Variants in KCNIP1 observed in about 807,000 individuals in gnomAD.
The protein encoded by KCNIP1 is potassium voltage-gated channel interacting protein 1, also known as A-type potassium channel modulatory protein KCNIP1.
KCNIP1 carries 18 observed loss-of-function variants against 33.0 expected under a neutral mutation model. That is an observed-to-expected ratio of 0.55 (90% confidence interval 0.38 to 0.81). The LOEUF is 0.81. Among genes scored for constraint, KCNIP1 ranks in the 30% least tolerant of loss-of-function variants. KCNIP1 has a pLI of 0.00. For missense variants in KCNIP1, 238 were observed against 271.6 expected (o/e 0.88, Z 0.87); for synonymous variants, 93 against 98.3 (o/e 0.95, Z 0.32).
chr5:170,681,393 G>A lies in KCNIP1; in HGVS notation c.62-37365G>A, dbSNP rs561006648. The A allele has an allele frequency of 4.8e-4, 168 of 351,912 alleles. 1 individual carries two copies. Among genetic ancestry groups the A allele is most frequent in the African/African-American group, 3.1e-3 (146 of 47,648 alleles). 21.8% of individuals were successfully genotyped at this position (351,912 alleles called of 1,614,324 possible). On this transcript the variant is annotated intron_variant, in intron 1 of 7. Coordinates refer to ENST00000328939, the MANE Select transcript of KCNIP1 (RefSeq NM_014592.4). ...CTGAAATGTGGTGCGCCTGGGGAGT[G>A]CGGGAGCCAGGAAGTTAGGGTCTCC...
chr5:170,565,627 T>A (rs1341501238), intron 1 of KCNIP1, among the ~76,000 whole-genome samples: 3 of 152,226 alleles, frequency 2.0e-5, no homozygotes, highest in Non-Finnish European at 4.4e-5. Context: ...ACACATTATC[T>A]CATTCAAGTC....
At chr5:170,555,362 G>A (rs969111362) in intron 1 of KCNIP1, among the ~76,000 whole-genome samples, 5 of 152,216 alleles carry the variant, frequency 3.3e-5, no homozygotes, top group Non-Finnish European at 7.3e-5. Flanking sequence ...CCCTCCAGGA[G>A]CCAGCATGAA....
At chr5:170,376,322 G>T (rs538619820) in intron 1 of KCNIP1, 1 of 151,764 alleles carries the variant, frequency 6.6e-6, no homozygotes, top group African/African-American at 2.4e-5. Context: ...CACCACGCCC[G>T]GCTATGATTT....
chr5:170,374,463 CTCTG>C (rs1285313317), intron 1 of KCNIP1, among the ~76,000 whole-genome samples: 7 of 152,272 alleles, frequency 4.6e-5, no homozygotes, highest in African/African-American at 1.7e-4. Flanking sequence ...TGAGCTGAAG[CTCTG>C]TCTGAGACCT....
chr5:170,389,873 G>T lies in KCNIP1; in HGVS notation c.88+35909G>T, dbSNP rs538720828. On this transcript the variant is annotated intron_variant, in intron 1 of 7. Transcript: ENST00000377360. ...TTTTGGTTTTACTCCCAAACTTATC[G>T]TTAAATGACCTCAGTTTTCTCACTT... Among the ~76,000 whole-genome samples the T allele has an allele frequency of 8.5e-5, 13 of 152,250 alleles. No homozygotes were observed. In the East Asian group the frequency reaches 2.5e-3, roughly 29 times the overall value.
intron 1 of KCNIP1, among the ~76,000 whole-genome samples, chr5:170,580,786 C>T (rs1480306425): frequency 6.6e-6 from 1 of 152,148 alleles, no homozygotes; most frequent in Non-Finnish European, 1.5e-5. Flanking sequence ...AGCCAGAAGG[C>T]CCTCTATGGG....
At chr5:170,614,732 G>A (rs1417591139) in intron 1 of KCNIP1, among the ~76,000 whole-genome samples, 2 of 152,168 alleles carry the variant, frequency 1.3e-5, no homozygotes, top group Non-Finnish European at 2.9e-5. Flanking sequence ...GCATTGTTTT[G>A]TCTCTTCCCA....
intron 1 of KCNIP1, among the ~76,000 whole-genome samples, chr5:170,596,128 A>G (rs1315302011): frequency 1.3e-5 from 2 of 152,242 alleles, no homozygotes; most frequent in African/African-American, 4.8e-5. Context: ...GAAACAGCAC[A>G]CAAAGTGTTT....
At chr5:170,645,123 T>G (rs544852168) in intron 1 of KCNIP1, among the ~76,000 whole-genome samples, 4 of 152,272 alleles carry the variant, frequency 2.6e-5, no homozygotes, top group Admixed American at 1.3e-4. Flanking sequence ...AGGTCCCTGG[T>G]TGTCTGTAGA....
chr5:170,670,587 C>T (rs1469949297), intron 1 of KCNIP1, among the ~76,000 whole-genome samples: 1 of 152,138 alleles, frequency 6.6e-6, no homozygotes, highest in African/African-American at 2.4e-5. Context: ...AGCAGGAGCT[C>T]CTGCTTTGGA....
At chr5:170,676,898 T>A (rs1235295812) in intron 1 of KCNIP1, among the ~76,000 whole-genome samples, 2 of 152,142 alleles carry the variant, frequency 1.3e-5, no homozygotes, top group Non-Finnish European at 2.9e-5. Context: ...CAAAAACAAA[T>A]CATACTCAGC....
chr5:170,378,600 G>A lies in KCNIP1; in HGVS notation c.88+24636G>A, dbSNP rs1385245208. On this transcript the variant is annotated intron_variant, in intron 1 of 7. Transcript: ENST00000377360. ...ACAGCGTGGATTGGACTGGAAGAGT[G>A]GGAGGGCAGGTGGAGAAGGCATTGT... 5.9e-6 allele frequency: 7 copies of A among 1,192,842 alleles called. No individual in the cohort carries two copies. The East Asian group carries it at 1.2e-4, about 20-fold the overall frequency. The allele number at this position is 1,192,842 out of a possible 1,614,324, so 73.9% of individuals were successfully genotyped here.
At chr5:170,725,168 T>A (rs1286297881) in intron 5 of KCNIP1, among the ~76,000 whole-genome samples, 1 of 152,176 alleles carries the variant, frequency 6.6e-6, no homozygotes, top group African/African-American at 2.4e-5. Flanking sequence ...ACAATCCCAC[T>A]GCTGGCTATA....
At chr5:170,519,820 T>C (rs984305097) in intron 1 of KCNIP1, among the ~76,000 whole-genome samples, 2 of 152,152 alleles carry the variant, frequency 1.3e-5, no homozygotes, top group Admixed American at 1.3e-4. Context: ...TGCCTGCCCA[T>C]AGCAAGCCCT....
intron 1 of KCNIP1, among the ~76,000 whole-genome samples, chr5:170,624,226 T>C (rs1180692323): frequency 6.6e-6 from 1 of 152,216 alleles, no homozygotes; most frequent in African/African-American, 2.4e-5. Flanking sequence ...ATCCAAACCA[T>C]ATTTATTGAG....
chr5:170,718,898 G>A lies in KCNIP1; in HGVS notation c.186+16G>A, dbSNP rs756820477. On this transcript the variant is annotated intron_variant, in intron 2 of 7. Coordinates refer to ENST00000328939, the MANE Select transcript of KCNIP1 (RefSeq NM_014592.4). ...CTTCAAAAATGTAAGACCCGTGCAC[G>A]CTCTGAAGGCCTGGGGGGGGTTCCC... The A allele has an allele frequency of 1.8e-5, 29 of 1,602,268 alleles. 1 individual carries two copies. The Middle Eastern group carries it at 8.8e-4, about 49-fold the overall frequency.
rs1554103000 is a variant in KCNIP1 at position 170,589,794 on chromosome 5, T to TGCGGTGCGGTGCGGTGCG, written c.61+85162_61+85163insCGGTGCGGTGCGGTGCGG. ...TGTGGTGTGGTGTGATGTGATGTGG[T>TGCGGTGCGGTGCGGTGCG]GTGCGGTGCGGTGCGGTGCGGTGTG... On this transcript the variant is annotated intron_variant, in intron 1 of 7. Transcript: ENST00000328939. 1.7e-3 allele frequency among the ~76,000 whole-genome samples: 198 copies of TGCGGTGCGGTGCGGTGCG among 113,204 alleles called. 6 individuals are homozygous for TGCGGTGCGGTGCGGTGCG. The highest frequency in any genetic ancestry group is 6.3e-3 in the East Asian group (23 of 3,636). The allele number at this position is 113,204 out of a possible 152,430, so 74.3% of individuals were successfully genotyped here. A position where few individuals can be genotyped will look rare whatever the true frequency, so the allele number is the denominator to read the frequency against.
At chr5:170,571,283 A>G (rs2113487123) in intron 1 of KCNIP1, among the ~76,000 whole-genome samples, 1 of 152,222 alleles carries the variant, frequency 6.6e-6, no homozygotes, top group East Asian at 1.9e-4. Context: ...TAACCCTTTG[A>G]CCATCACAGC....
At chr5:170,456,443 T>C (rs1237011571) in intron 1 of KCNIP1, among the ~76,000 whole-genome samples, 2 of 152,082 alleles carry the variant, frequency 1.3e-5, no homozygotes, top group African/African-American at 2.4e-5. Flanking sequence ...AACCTGCACA[T>C]TCTGCACATG....
Sources: gnomAD v4.1 joint callset for allele counts (sites outside exome capture counted in the v4.1 genomes callset) on GRCh38, gnomAD v4.1.1 for gene constraint, MANE v1.5 for transcripts, NCBI Gene and HGNC (gene_info 2026-07-23, HGNC 2026-07-21) for gene names.